Variants in SEZ6L observed in about 807,000 individuals in gnomAD.
The protein encoded by SEZ6L is seizure 6-like protein.
Under a neutral mutation model 106.2 loss-of-function variants are expected in SEZ6L, and 37 were observed. The ratio of observed to expected loss-of-function variants is 0.35; its 90% CI spans 0.27 to 0.46. SEZ6L has a LOEUF of 0.46. SEZ6L is among the 20% of genes least tolerant of loss of function. The probability of loss-of-function intolerance (pLI) is 1.00; values close to 1 mark genes in which losing one functional copy is unlikely to be tolerated. For synonymous variants in SEZ6L, 541 were observed against 570.4 expected (o/e 0.95, Z 0.73); for missense variants, 1,172 against 1,332.8 (o/e 0.88, Z 1.88).
chr22:26,298,413 T>G (rs2081360859), intron 4 of SEZ6L, among the ~76,000 whole-genome samples: 1 of 152,164 alleles, frequency 6.6e-6, no homozygotes, highest in Admixed American at 6.5e-5. Context: ...TTTCTCTGTA[T>G]TATCTCATTT....
At chr22:26,270,824 G>A (rs772248061) in intron 1 of SEZ6L, among the ~76,000 whole-genome samples, 2 of 152,116 alleles carry the variant, frequency 1.3e-5, no homozygotes, top group African/African-American at 4.8e-5. Context: ...CTCCTGCCTG[G>A]ACAACCTGCT....
Position 26,310,676 on chromosome 22 carries a change from G to A in SEZ6L, c.1521G>A (p.Thr507=), listed in dbSNP as rs371509981. The change falls in exon 7 of 17, where the codon ACG becomes ACA. Residue 507 remains threonine, a synonymous_variant. Coordinates refer to ENST00000248933, the MANE Select transcript of SEZ6L (RefSeq NM_021115.5). ...TCTCTGCTCCCACTGCCAGGATGAC[G>A]GTTCACAGCGGGCAGACCAACAAGT... ...RLLLHDKDRM[T]VHSGQTNKSA... is the part of the protein sequence containing the mutation. 1.9e-5 allele frequency: 30 copies of A among 1,614,084 alleles called. No individual in the cohort carries two copies. In the African/African-American group the frequency reaches 2.7e-4, roughly 14 times the overall value.
At chr22:26,309,166 A>T (rs997965235) in intron 6 of SEZ6L, among the ~76,000 whole-genome samples, 2 of 152,236 alleles carry the variant, frequency 1.3e-5, no homozygotes, top group Admixed American at 1.3e-4. Flanking sequence ...ATGACTCCAT[A>T]AAAGAAGCTT....
At position 26,195,348 on chromosome 22, in the gene SEZ6L, C is replaced by G. The variant is rs534423964; in HGVS notation, c.94+25585C>G. ...TTGGAAAGTCAGAGGAAGCTTAGTT[C>G]TCATTTCAGCCTCGCCACTGCCTAC... On this transcript the variant is annotated intron_variant, in intron 1 of 16. Coordinates refer to ENST00000248933, the MANE Select transcript of SEZ6L (RefSeq NM_021115.5). Among the ~76,000 whole-genome samples the G allele has an allele frequency of 1.2e-4, 19 of 152,332 alleles. No individual in the cohort carries two copies. The South Asian group carries it at 3.9e-3, about 32-fold the overall frequency.
At chr22:26,191,447 G>T (rs1301128981) in intron 1 of SEZ6L, among the ~76,000 whole-genome samples, 1 of 152,150 alleles carries the variant, frequency 6.6e-6, no homozygotes, top group Non-Finnish European at 1.5e-5. Flanking sequence ...GACATGGATG[G>T]AGCTGGAAGG....
chr22:26,338,571 T>TG (rs984981751), intron 9 of SEZ6L, among the ~76,000 whole-genome samples: 4 of 149,448 alleles, frequency 2.7e-5, no homozygotes, highest in Admixed American at 6.7e-5. Flanking sequence ...AAAAAAAAAT[T>TG]TTTTTTGAGA....
At chr22:26,202,201 A>G (rs1261391635) in intron 1 of SEZ6L, among the ~76,000 whole-genome samples, 1 of 152,180 alleles carries the variant, frequency 6.6e-6, no homozygotes, top group Non-Finnish European at 1.5e-5. Flanking sequence ...GGTGTGAGCC[A>G]CTGCGCCCGG....
chr22:26,330,499 G>A (rs1232452017), intron 9 of SEZ6L, among the ~76,000 whole-genome samples: 3 of 152,226 alleles, frequency 2.0e-5, no homozygotes, highest in African/African-American at 4.8e-5. Context: ...AGAGAAGAGA[G>A]GAGAGGGCTT....
At chr22:26,365,131 A>T in intron 12 of SEZ6L, among the ~76,000 whole-genome samples, 1 of 152,230 alleles carries the variant, frequency 6.6e-6, no homozygotes, top group East Asian at 1.9e-4. Flanking sequence ...CAAGTAACAG[A>T]ACTCATATTT....
At chr22:26,215,735 G>T (rs2078280570) in intron 1 of SEZ6L, among the ~76,000 whole-genome samples, 1 of 152,164 alleles carries the variant, frequency 6.6e-6, no homozygotes, top group Admixed American at 6.5e-5. Flanking sequence ...AGCCTGAGGT[G>T]GGTTTGGATC....
At chr22:26,266,671 T>C (rs546568496) in intron 1 of SEZ6L, among the ~76,000 whole-genome samples, 2 of 152,114 alleles carry the variant, frequency 1.3e-5, no homozygotes, top group Non-Finnish European at 2.9e-5. Context: ...AGTGTCCCCA[T>C]AGCTCTCATC....
chr22:26,373,360 TG>T, intron 13 of SEZ6L, 90 bp from the exon 14 acceptor site: 1 of 1,097,554 alleles, frequency 9.1e-7, no homozygotes, highest in Non-Finnish European at 1.4e-6. Context: ...AAGCATGGCA[TG>T]GGCTTTTGCA....
chr22:26,348,551 AAGGAAGGAAGGGAG>A (rs2083089725), intron 11 of SEZ6L, among the ~76,000 whole-genome samples: 1 of 86,314 alleles, frequency 1.2e-5, no homozygotes, highest in African/African-American at 5.7e-5. Flanking sequence ...GGAAGGAAGG[AAGGAAGGAAGGGAG>A]GAAAGAAAGA....
intron 9 of SEZ6L, among the ~76,000 whole-genome samples, chr22:26,327,239 G>A (rs1441642764): frequency 3.7e-5 from 4 of 108,458 alleles, no homozygotes; most frequent in Non-Finnish European, 5.9e-5. Flanking sequence ...CACCACACAC[G>A]CTATACACAC....
intron 1 of SEZ6L, among the ~76,000 whole-genome samples, chr22:26,243,743 A>C (rs2079218740): frequency 6.6e-6 from 1 of 152,214 alleles, no homozygotes; most frequent in Admixed American, 6.5e-5. Flanking sequence ...AACTAAAAGA[A>C]GAGGAGGAGG....
chr22:26,351,299 C>T (rs1353857590), intron 12 of SEZ6L, 56 bp downstream of exon 12: 2 of 1,536,010 alleles, frequency 1.3e-6, no homozygotes, highest in Admixed American at 1.8e-5. Context: ...TTCACTTTCT[C>T]TTGTTCATGA....
intron 1 of SEZ6L, among the ~76,000 whole-genome samples, chr22:26,191,474 C>T (rs1872090901): frequency 2.6e-5 from 4 of 151,456 alleles, no homozygotes; most frequent in Admixed American, 1.3e-4. Context: ...CCTCAGCAAA[C>T]TAATGCAGAA....
rs149435651 is a variant in SEZ6L at position 26,341,161 on chromosome 22, T to C, written c.2212+529T>C. 5.2e-3 allele frequency among the ~76,000 whole-genome samples: 789 copies of C among 152,280 alleles called. 1 individual carries two copies. Among genetic ancestry groups the C allele is most frequent in the Non-Finnish European group, 8.7e-3 (590 of 68,022 alleles). ...TAGCCTCGTTGAACAAGGACAGCCTTCCTTTCGCACTTCTTGTACTTTAGG... is the reference window on the plus strand; with the variant it reads ...TAGCCTCGTTGAACAAGGACAGCCTCCCTTTCGCACTTCTTGTACTTTAGG... On this transcript the variant is annotated intron_variant, in intron 10 of 16. Coordinates refer to ENST00000248933, the MANE Select transcript of SEZ6L (RefSeq NM_021115.5).
intron 1 of SEZ6L, among the ~76,000 whole-genome samples, chr22:26,180,401 G>A (rs965738258): frequency 2.0e-5 from 3 of 152,092 alleles, no homozygotes; most frequent in African/African-American, 4.8e-5. Context: ...GAAATTTTCG[G>A]GGTTAGGAGT....
Sources: allele counts gnomAD v4.1 joint callset (sites outside exome capture counted in the v4.1 genomes callset), GRCh38; gene constraint gnomAD v4.1.1; transcripts MANE v1.5; gene names NCBI Gene and HGNC (gene_info 2026-07-23, HGNC 2026-07-21).